NRXN1: variants seen among roughly 807,000 people sequenced by gnomAD.
NRXN1 encodes the protein neurexin 1, also known as neurexin-1.
NRXN1 carries 39 observed loss-of-function variants against 150.9 expected under a neutral mutation model. The observed-to-expected ratio is 0.26, with a 90% CI of 0.20 to 0.34. NRXN1 has a LOEUF of 0.34. Among genes scored for constraint, NRXN1 ranks in the 10% least tolerant of loss-of-function variants. The pLI, the probability that NRXN1 is intolerant of heterozygous loss-of-function variation, is 1.00. For missense variants in NRXN1, 1,815 were observed against 1,949.9 expected (o/e 0.93, Z 1.30); for synonymous variants, 924 against 757.0 (o/e 1.22, Z -3.62).
chr2:49,922,765 A>G (rs1047950278), intron 22 of NRXN1, among the ~76,000 whole-genome samples: 2 of 152,200 alleles, frequency 1.3e-5, no homozygotes, highest in Non-Finnish European at 2.9e-5. Context: ...GATAATCCAT[A>G]CATTTTAACT....
At chr2:50,354,586 T>TATATATATATATATATATATAC (rs1273118975) in intron 17 of NRXN1, among the ~76,000 whole-genome samples, 48 of 124,786 alleles carry the variant, frequency 3.8e-4, no homozygotes, top group Non-Finnish European at 6.0e-4. Context: ...TATATATATA[T>TATATATATATATATATATATAC]ACACACACAC....
At chr2:50,162,077 A>G (rs768891393) in intron 18 of NRXN1, among the ~76,000 whole-genome samples, 2 of 152,180 alleles carry the variant, frequency 1.3e-5, no homozygotes, top group African/African-American at 2.4e-5. Flanking sequence ...TGTGTTAAAG[A>G]GATCAACTTT....
At chr2:50,213,770 T>C (rs996241402) in intron 18 of NRXN1, among the ~76,000 whole-genome samples, 10 of 151,902 alleles carry the variant, frequency 6.6e-5, no homozygotes, top group Non-Finnish European at 1.5e-5. Context: ...GATGATTTTA[T>C]AATTTAACTT....
intron 6 of NRXN1, among the ~76,000 whole-genome samples, chr2:50,622,670 T>C (rs1013548886): frequency 1.3e-5 from 2 of 152,148 alleles, no homozygotes; most frequent in Admixed American, 6.6e-5. Context: ...CTTGAAAAAG[T>C]TTTTTTAAAA....
At chr2:50,498,891 G>T (rs528797073) in intron 13 of NRXN1, among the ~76,000 whole-genome samples, 2 of 152,178 alleles carry the variant, frequency 1.3e-5, no homozygotes, top group African/African-American at 2.4e-5. Flanking sequence ...TGCCATAATT[G>T]GAAAATGTTT....
At chr2:50,013,841 A>T (rs1243529338) in intron 21 of NRXN1, among the ~76,000 whole-genome samples, 1 of 152,184 alleles carries the variant, frequency 6.6e-6, no homozygotes, top group Non-Finnish European at 1.5e-5. Context: ...AAGCAAACCT[A>T]CATGAAAGAG....
intron 17 of NRXN1, among the ~76,000 whole-genome samples, chr2:50,304,867 G>A (rs183284179): frequency 6.6e-6 from 1 of 152,048 alleles, no homozygotes; most frequent in Non-Finnish European, 1.5e-5. Flanking sequence ...CAAGGTGGGC[G>A]GATCAGAAGG....
At chr2:50,620,275 T>TTTTTG (rs1417060843) in intron 7 of NRXN1, 92 bp from the exon 8 acceptor site, 11 of 1,409,692 alleles carry the variant, frequency 7.8e-6, no homozygotes, top group South Asian at 7.0e-5. Context: ...TGCTTTTGTT[T>TTTTTG]TTTTGTTTTG....
At chr2:50,098,994 AG>A (rs1700656405) in intron 18 of NRXN1, among the ~76,000 whole-genome samples, 1 of 151,846 alleles carries the variant, frequency 6.6e-6, no homozygotes, top group African/African-American at 2.4e-5. Context: ...TTTAAAAAAC[AG>A]CCTTTTCATT....
At chr2:50,044,832 CA>C (rs1384933690) in intron 21 of NRXN1, among the ~76,000 whole-genome samples, 1 of 152,070 alleles carries the variant, frequency 6.6e-6, no homozygotes, top group African/African-American at 2.4e-5. Context: ...TAAGATTTTG[CA>C]AATTTGTAAT....
intron 5 of NRXN1, among the ~76,000 whole-genome samples, chr2:50,730,479 G>C (rs1408262219): frequency 6.6e-6 from 1 of 152,056 alleles, no homozygotes; most frequent in African/African-American, 2.4e-5. Context: ...GTCAATGAGA[G>C]GATCAGAGCT....
At chr2:50,273,147 C>T (rs75232188) in intron 17 of NRXN1, among the ~76,000 whole-genome samples, 12,603 of 152,124 alleles carry the variant, frequency 0.083, 619 homozygotes, top group Middle Eastern at 0.15. Context: ...TGACAGAGAG[C>T]GTTGGGCAAC....
chr2:50,278,545 G>T (rs986517515), intron 17 of NRXN1, among the ~76,000 whole-genome samples: 7 of 151,036 alleles, frequency 4.6e-5, no homozygotes, highest in Non-Finnish European at 1.0e-4. Flanking sequence ...GTTAATCAAG[G>T]GCCCCTGTAT....
At position 50,829,999 on chromosome 2, in the gene NRXN1, G is replaced by GGAAAAA. The variant is rs1425873902; in HGVS notation, c.832+91869_832+91870insTTTTTC. On this transcript the variant is annotated intron_variant, in intron 5 of 22. Coordinates refer to ENST00000401669, the MANE Select transcript of NRXN1 (RefSeq NM_001330078.2). ...GGAACCCAAAGAATACTGCCTGCTG[G>GGAAAAA]AAAAAAAAAAAAAAAAAAAAAAAAA... Among the ~76,000 whole-genome samples the GGAAAAA allele has an allele frequency of 1.1e-3, 62 of 58,182 alleles. 5 individuals are homozygous for GGAAAAA. The highest frequency in any genetic ancestry group is 8.4e-3 in the East Asian group (11 of 1,308). 38.2% of individuals were successfully genotyped at this position (58,182 alleles called of 152,430 possible).
At chr2:50,493,200 T>C (rs890523248) in intron 15 of NRXN1, among the ~76,000 whole-genome samples, 2 of 152,216 alleles carry the variant, frequency 1.3e-5, no homozygotes, top group Admixed American at 6.5e-5. Flanking sequence ...ATGATTAGTA[T>C]GCAAAGAAAA....
chr2:50,165,224 T>A (rs192493661), intron 18 of NRXN1, among the ~76,000 whole-genome samples: 13 of 152,332 alleles, frequency 8.5e-5, no homozygotes, highest in African/African-American at 2.9e-4. Flanking sequence ...AACAGTCATA[T>A]TAACGGATCC....
At chr2:50,287,991 C>A (rs1477239113) in intron 17 of NRXN1, among the ~76,000 whole-genome samples, 3 of 151,934 alleles carry the variant, frequency 2.0e-5, no homozygotes, top group Non-Finnish European at 2.9e-5. Context: ...TGTATAGACA[C>A]AACAAAGAGG....
chr2:50,065,462 G>T (rs573827828), intron 19 of NRXN1, among the ~76,000 whole-genome samples: 2 of 152,168 alleles, frequency 1.3e-5, no homozygotes, highest in Non-Finnish European at 2.9e-5. Flanking sequence ...TGTCATTAAG[G>T]CTTGTCTACA....
At chr2:50,145,787 T>C (rs1312391370) in intron 18 of NRXN1, among the ~76,000 whole-genome samples, 2 of 151,650 alleles carry the variant, frequency 1.3e-5, no homozygotes, top group South Asian at 2.1e-4. Flanking sequence ...ATGCCCAATA[T>C]AAGAAGGACT....
Sources: allele counts gnomAD v4.1 joint callset (sites outside exome capture counted in the v4.1 genomes callset), GRCh38; gene constraint gnomAD v4.1.1; transcripts MANE v1.5; gene names NCBI Gene and HGNC (gene_info 2026-07-23, HGNC 2026-07-21).